Variants in ELOVL2 observed in about 807,000 individuals in gnomAD.
The protein encoded by ELOVL2 is ELOVL fatty acid elongase 2.
In ELOVL2, 38 loss-of-function variants were observed where a neutral mutation model predicts 37.7. That is an observed-to-expected ratio of 1.01 (90% confidence interval 0.78 to 1.32). The LOEUF is 1.32. Among genes scored for constraint, ELOVL2 ranks in the 40% most tolerant of loss-of-function variants. The pLI, the probability that ELOVL2 is intolerant of heterozygous loss-of-function variation, is 0.00. For synonymous variants in ELOVL2, 115 were observed against 122.3 expected (o/e 0.94, Z 0.40); for missense variants, 352 against 363.6 (o/e 0.97, Z 0.26).
intron 6 of ELOVL2, 137 bp from the exon 7 acceptor site, chr6:10,989,974 C>A: frequency 1.0e-6 from 1 of 964,708 alleles, no homozygotes; most frequent in Non-Finnish European, 1.5e-6. Flanking sequence ...GCTGCTGAAG[C>A]AGCCCCCTCA....
intron 1 of ELOVL2, among the ~76,000 whole-genome samples, chr6:11,027,416 A>T (rs563423328): frequency 6.6e-6 from 1 of 152,272 alleles, no homozygotes; most frequent in East Asian, 1.9e-4. Context: ...CAAAGCCGGA[A>T]ATAATTGGTT....
At chr6:11,013,794 G>T (rs982001421) in intron 1 of ELOVL2, among the ~76,000 whole-genome samples, 1 of 151,296 alleles carries the variant, frequency 6.6e-6, no homozygotes, top group African/African-American at 2.4e-5. Context: ...AGACCTGAGC[G>T]AGAGGCACTG....
At position 10,995,190 on chromosome 6, in the gene ELOVL2, T is replaced by G; in HGVS notation, c.334-12A>C. On this transcript the variant is annotated splice_polypyrimidine_tract_variant and intron_variant, in intron 4 of 7. Coordinates refer to ENST00000354666, the MANE Select transcript of ELOVL2 (RefSeq NM_017770.4). ...AGCACCTTGGCTACCTATAGAAATT[T>G]GTAAAGGGGAGAAAAGGGTGAGAAA... 6.3e-7 allele frequency: 1 copy of G among 1,586,922 alleles called. No homozygotes were observed. The highest frequency in any genetic ancestry group is 8.6e-7 in the Non-Finnish European group (1 of 1,163,930).
chr6:11,035,522 C>A (rs1214696085), intron 1 of ELOVL2, among the ~76,000 whole-genome samples: 4 of 152,234 alleles, frequency 2.6e-5, no homozygotes, highest in Non-Finnish European at 5.9e-5. Flanking sequence ...TGGTGTCACA[C>A]AGACATAGTC....
chr6:11,017,374 T>C (rs985347983), intron 1 of ELOVL2, among the ~76,000 whole-genome samples: 1 of 152,200 alleles, frequency 6.6e-6, no homozygotes, highest in African/African-American at 2.4e-5. Context: ...GCCTTCAGAC[T>C]GAAGGGTTTC....
At chr6:11,009,386 ATCTC>A (rs1434537758) in intron 2 of ELOVL2, among the ~76,000 whole-genome samples, 3 of 152,236 alleles carry the variant, frequency 2.0e-5, no homozygotes, top group African/African-American at 7.2e-5. Flanking sequence ...GAATGTGGTC[ATCTC>A]TCTATCTGAA....
intron 5 of ELOVL2, among the ~76,000 whole-genome samples, chr6:10,993,436 TTAACA>T (rs142842692): frequency 0.02 from 3,083 of 152,328 alleles, 94 homozygotes; most frequent in African/African-American, 0.07. Flanking sequence ...CATTATCCAA[TTAACA>T]TAACCACATT....
At chr6:11,005,227 T>A (rs1287698692) in intron 3 of ELOVL2, 145 bp downstream of exon 3, 3 of 658,702 alleles carry the variant, frequency 4.6e-6, no homozygotes, top group African/African-American at 3.7e-5. Context: ...CTTCCAGGAT[T>A]TTCAGAAAGA....
rs1170316000 is a variant in ELOVL2, at chr6:11,043,432, CAGCTTACTGTCAGGCAGTTCATCGG to C, written c.3+771_3+795del. On this transcript the variant is annotated intron_variant, in intron 1 of 7. Transcript: ENST00000354666. ...ACACACACACACACACACACACACA[CAGCTTACTGTCAGGCAGTTCATCGG>C]ACACGGGTGAACACACACACACACA... 575 of 114,646 alleles carry C rather than the reference CAGCTTACTGTCAGGCAGTTCATCGG, an allele frequency of 5.0e-3. 12 individuals are homozygous for C. Among genetic ancestry groups the C allele is most frequent in the East Asian group, 0.015 (49 of 3,366 alleles). 7.1% of individuals were successfully genotyped at this position (114,646 alleles called of 1,614,324 possible).
At chr6:10,989,199 C>A (rs548340037) in intron 7 of ELOVL2, among the ~76,000 whole-genome samples, 2 of 152,152 alleles carry the variant, frequency 1.3e-5, no homozygotes, top group Admixed American at 6.5e-5. Flanking sequence ...TAAAAATGCC[C>A]ACTAGATTAT....
In ELOVL2 at chr6:11,010,762, A is replaced by G; in HGVS notation, c.51T>C (p.Asn17=). The G allele has an allele frequency of 3.1e-6, 5 of 1,613,022 alleles. No homozygotes were observed. Among genetic ancestry groups the G allele is most frequent in the Non-Finnish European group, 4.2e-6 (5 of 1,179,608 alleles). The change falls in exon 2 of 8, where the codon AAT becomes AAC. Residue 17 remains asparagine (N), a synonymous_variant. Transcript: ENST00000354666. ...TTCACTGACCTCGCGGTCCAAACAT[A>G]TTGTCCAAAAAAGCATTGATTTCAT... ...FDDEINAFLD[N]MFGPRDSRVR...
At chr6:11,035,955 G>A (rs979096038) in intron 1 of ELOVL2, among the ~76,000 whole-genome samples, 1 of 152,192 alleles carries the variant, frequency 6.6e-6, no homozygotes, top group Non-Finnish European at 1.5e-5. Flanking sequence ...CTGAGGCAAT[G>A]TATTTGCATG....
rs758041640 is a variant in ELOVL2 at position 11,005,368 on chromosome 6, T to G, written c.255+4A>C. The G allele has an allele frequency of 6.2e-7, 1 of 1,610,554 alleles. No individual in the cohort carries two copies. The highest frequency in any genetic ancestry group is 8.5e-7 in the Non-Finnish European group (1 of 1,178,502). On this transcript the variant is annotated splice_donor_region_variant and intron_variant, in intron 3 of 7. Coordinates refer to ENST00000354666, the MANE Select transcript of ELOVL2 (RefSeq NM_017770.4). Reference sequence around the variant, plus strand: ...ACTTCAGCTTTGGCTACATAAACACTTACCTCTGCCAGCATGTACGCGGAG... The same window carrying G: ...ACTTCAGCTTTGGCTACATAAACACGTACCTCTGCCAGCATGTACGCGGAG...
chr6:10,986,810 C>T (rs1251177793), intron 7 of ELOVL2, among the ~76,000 whole-genome samples: 3 of 152,064 alleles, frequency 2.0e-5, no homozygotes, highest in Non-Finnish European at 4.4e-5. Flanking sequence ...CTAAAATTCT[C>T]TTTTTTGGTT....
chr6:11,034,704 C>T (rs1782982250), intron 1 of ELOVL2, among the ~76,000 whole-genome samples: 1 of 145,292 alleles, frequency 6.9e-6, no homozygotes, highest in East Asian at 2.0e-4. Context: ...AAATAAATAA[C>T]AAAAAGCACT....
chr6:11,040,315 T>C (rs1219336922), intron 1 of ELOVL2, among the ~76,000 whole-genome samples: 5 of 152,122 alleles, frequency 3.3e-5, no homozygotes, highest in Non-Finnish European at 7.3e-5. Flanking sequence ...GGAAGTTGTG[T>C]ACAATCTAGA....
chr6:11,001,599 TAC>T (rs2113502257), intron 3 of ELOVL2, among the ~76,000 whole-genome samples: 1 of 152,366 alleles, frequency 6.6e-6, no homozygotes, highest in South Asian at 2.1e-4. Flanking sequence ...CCGCAATTAA[TAC>T]AGTTATAGAG....
intron 1 of ELOVL2, among the ~76,000 whole-genome samples, chr6:11,014,563 C>T (rs1782640570): frequency 6.6e-6 from 1 of 150,802 alleles, no homozygotes; most frequent in African/African-American, 2.5e-5. Flanking sequence ...CCTCCCTTTT[C>T]CTTCTCCCCA....
Position 11,030,030 on chromosome 6 carries a change from TG to T in ELOVL2, c.3+14197del, listed in dbSNP as rs199531859. 2.6e-5 allele frequency among the ~76,000 whole-genome samples: 4 copies of T among 152,254 alleles called. No individual in the cohort carries two copies. The East Asian group carries it at 7.7e-4, about 29-fold the overall frequency. On this transcript the variant is annotated intron_variant, in intron 1 of 7. Transcript: ENST00000354666. ...ACAGTAAAGGTTCTTATGACAATGC[TG>T]GGACATAGTAAGAATTTAATAAATG... is the stretch of plus-strand genomic sequence containing the variant.
Sources: allele counts gnomAD v4.1 joint callset (sites outside exome capture counted in the v4.1 genomes callset), GRCh38; gene constraint gnomAD v4.1.1; transcripts MANE v1.5; gene names NCBI Gene and HGNC (gene_info 2026-07-23, HGNC 2026-07-21).